The following CNTNAP3B variants were observed in gnomAD, a reference collection of about 807,000 sequenced individuals.
The protein encoded by CNTNAP3B is contactin associated protein family member 3B.
CNTNAP3B carries 25 observed loss-of-function variants against 108.9 expected under a neutral mutation model. The ratio of observed to expected loss-of-function variants is 0.23; its 90% CI spans 0.17 to 0.32. The LOEUF is 0.32. CNTNAP3B is among the 10% of genes least tolerant of loss of function. CNTNAP3B has a pLI of 1.00. For missense variants in CNTNAP3B, 252 were observed against 1,210.4 expected (o/e 0.21, Z 11.75); for synonymous variants, 103 against 473.4 (o/e 0.22, Z 10.16).
intron 1 of CNTNAP3B, among the ~76,000 whole-genome samples, chr9:42,115,338 T>C (rs1206590675): frequency 7.6e-6 from 1 of 132,394 alleles, no homozygotes; most frequent in Non-Finnish European, 1.6e-5. Context: ...GATTTCTGAA[T>C]TTCCGACTGA....
chr9:41,918,613 C>T (rs535021071), intron 18 of CNTNAP3B, among the ~76,000 whole-genome samples: 2 of 142,178 alleles, frequency 1.4e-5, no homozygotes, highest in African/African-American at 5.5e-5. Context: ...GGTAATCTAA[C>T]TATAACATAT....
intron 1 of CNTNAP3B, among the ~76,000 whole-genome samples, chr9:42,110,911 A>T (rs1397570067): frequency 7.1e-6 from 1 of 140,340 alleles, no homozygotes; most frequent in Non-Finnish European, 1.5e-5. Flanking sequence ...CGGAAAAAGT[A>T]CATTTTACTC....
intron 14 of CNTNAP3B, among the ~76,000 whole-genome samples, chr9:41,932,401 T>A (rs1289368405): frequency 1.3e-5 from 2 of 151,938 alleles, no homozygotes; most frequent in African/African-American, 2.4e-5. Context: ...TTCTAAAAGC[T>A]ACTACTTATT....
At chr9:41,947,186 C>T (rs1252480645) in intron 13 of CNTNAP3B, among the ~76,000 whole-genome samples, 4 of 149,696 alleles carry the variant, frequency 2.7e-5, no homozygotes, top group Non-Finnish European at 5.9e-5. Flanking sequence ...ATACAGAATA[C>T]TCCACTTAAG....
At chr9:41,935,498 A>T (rs1476446663) in intron 14 of CNTNAP3B, among the ~76,000 whole-genome samples, 5 of 152,288 alleles carry the variant, frequency 3.3e-5, no homozygotes, top group Non-Finnish European at 7.3e-5. Context: ...TCTACACCTT[A>T]ATCTAAATTA....
intron 13 of CNTNAP3B, among the ~76,000 whole-genome samples, chr9:41,942,171 T>C (rs939031036): frequency 2.6e-5 from 4 of 152,260 alleles, no homozygotes; most frequent in Admixed American, 2.6e-4. Flanking sequence ...ACTGACCTAA[T>C]CCTAAGAGTA....
At chr9:42,062,511 C>A (rs975428581) in intron 3 of CNTNAP3B, among the ~76,000 whole-genome samples, 3 of 89,390 alleles carry the variant, frequency 3.4e-5, no homozygotes, top group Non-Finnish European at 4.4e-5. Flanking sequence ...ATAAGTGAAG[C>A]GAGCTCCCTG....
chr9:42,088,738 C>T (rs1394131579), intron 2 of CNTNAP3B, among the ~76,000 whole-genome samples: 1 of 135,918 alleles, frequency 7.4e-6, no homozygotes. Flanking sequence ...TATTAAAAGG[C>T]ACAGATAAAA....
At chr9:41,943,387 CTG>C (rs1402297326) in intron 13 of CNTNAP3B, among the ~76,000 whole-genome samples, 1 of 132,076 alleles carries the variant, frequency 7.6e-6, no homozygotes, top group African/African-American at 2.8e-5. Context: ...GAGTCTCTCT[CTG>C]TCGCTCAGGC....
intron 18 of CNTNAP3B, among the ~76,000 whole-genome samples, chr9:41,913,043 T>G: frequency 2.0e-5 from 1 of 50,166 alleles, no homozygotes; most frequent in Admixed American, 2.3e-4. Flanking sequence ...TATTATTAAC[T>G]GCATATAAGT....
intron 1 of CNTNAP3B, among the ~76,000 whole-genome samples, chr9:42,105,473 T>C (rs1358190262): frequency 2.2e-5 from 1 of 45,142 alleles, no homozygotes; most frequent in African/African-American, 5.7e-5. Context: ...CATCCTCACC[T>C]CAGGGTGACT....
intron 3 of CNTNAP3B, among the ~76,000 whole-genome samples, chr9:42,019,717 C>G (rs1826274562): frequency 6.8e-6 from 1 of 146,942 alleles, no homozygotes; most frequent in South Asian, 2.1e-4. Context: ...GCCAAGATTG[C>G]ACCACTGCAC....
chr9:41,948,390 C>A (rs1242365131), intron 13 of CNTNAP3B, among the ~76,000 whole-genome samples: 1 of 152,326 alleles, frequency 6.6e-6, no homozygotes, highest in Admixed American at 6.5e-5. Context: ...CCGGGCCTTA[C>A]TGGAGAATTC....
intron 12 of CNTNAP3B, 98 bp from the exon 13 acceptor site, chr9:41,953,484 A>C: frequency 7.0e-7 from 1 of 1,425,590 alleles, no homozygotes; most frequent in Non-Finnish European, 9.5e-7. Context: ...TTTAATTGAA[A>C]TTTACATTAC....
intron 1 of CNTNAP3B, among the ~76,000 whole-genome samples, chr9:42,127,180 T>C (rs575872928): frequency 3.6e-5 from 5 of 138,532 alleles, no homozygotes; most frequent in South Asian, 4.7e-4. Context: ...CCCACAGTAG[T>C]AGTATTGAAA....
intron 2 of CNTNAP3B, among the ~76,000 whole-genome samples, chr9:42,099,286 G>T (rs1319891675): frequency 8.2e-6 from 1 of 122,584 alleles, no homozygotes; most frequent in African/African-American, 3.3e-5. Flanking sequence ...TTTCCACAGT[G>T]ACCCACATCA....
rs531416312 is a variant in CNTNAP3B, at chr9:42,078,812, C to T, written c.197-1750G>A. Among the ~76,000 whole-genome samples, 35 of 149,978 alleles carry T rather than the reference C, an allele frequency of 2.3e-4. No individual in the cohort carries two copies. In the South Asian group the frequency reaches 5.3e-3, roughly 23 times the overall value. ...AGACAGTGCACAGATTTCTTTAGCC[C>T]TCAGTAGGAACTACTTCCACAGTTT... is the stretch of plus-strand genomic sequence containing the variant. On this transcript the variant is annotated intron_variant, in intron 2 of 23. Coordinates refer to ENST00000377561, the MANE Select transcript of CNTNAP3B (RefSeq NM_001201380.3).
intron 3 of CNTNAP3B, among the ~76,000 whole-genome samples, chr9:42,059,974 G>A (rs1291988679): frequency 6.6e-6 from 1 of 150,644 alleles, no homozygotes; most frequent in Non-Finnish European, 1.5e-5. Context: ...TGCAAAGAGG[G>A]ACAATTTAAA....
At chr9:42,127,163 G>A (rs1196403162) in intron 1 of CNTNAP3B, among the ~76,000 whole-genome samples, 1 of 138,556 alleles carries the variant, frequency 7.2e-6, no homozygotes, top group Non-Finnish European at 1.5e-5. Flanking sequence ...AAAGAAGACT[G>A]AAAACACCCA....
Sources: allele counts gnomAD v4.1 joint callset (sites outside exome capture counted in the v4.1 genomes callset), GRCh38; gene constraint gnomAD v4.1.1; transcripts MANE v1.5; gene names NCBI Gene and HGNC (gene_info 2026-07-23, HGNC 2026-07-21).